CNTN1: variants seen among roughly 807,000 people sequenced by gnomAD.
CNTN1 encodes the protein contactin-1.
CNTN1 carries 38 observed loss-of-function variants against 126.4 expected under a neutral mutation model. The ratio of observed to expected loss-of-function variants is 0.30; its 90% CI spans 0.23 to 0.39. CNTN1 has a LOEUF of 0.39. Among genes scored for constraint, CNTN1 ranks in the 10% least tolerant of loss-of-function variants. The probability of loss-of-function intolerance (pLI) is 1.00; values close to 1 mark genes in which losing one functional copy is unlikely to be tolerated. For missense variants in CNTN1, 1,009 were observed against 1,248.4 expected (o/e 0.81, Z 2.89); for synonymous variants, 413 against 422.6 (o/e 0.98, Z 0.28).
intron 3 of CNTN1, among the ~76,000 whole-genome samples, chr12:40,911,810 G>A (rs903503513): frequency 6.6e-6 from 1 of 152,132 alleles, no homozygotes. Flanking sequence ...GTCCAGAGTT[G>A]GGTCACACAT....
chr12:40,704,087 C>T (rs1487095084), intron 1 of CNTN1, among the ~76,000 whole-genome samples: 1 of 151,416 alleles, frequency 6.6e-6, no homozygotes. Context: ...TATACAGTAG[C>T]AAGACAAATG....
At chr12:40,723,329 A>G (rs750253430) in intron 1 of CNTN1, among the ~76,000 whole-genome samples, 3 of 152,240 alleles carry the variant, frequency 2.0e-5, no homozygotes, top group Non-Finnish European at 2.9e-5. Flanking sequence ...ATCTCTAATA[A>G]CTAAAGTAGT....
chr12:40,932,711 C>T (rs1945933268), intron 7 of CNTN1, among the ~76,000 whole-genome samples: 1 of 151,860 alleles, frequency 6.6e-6, no homozygotes, highest in South Asian at 2.1e-4. Flanking sequence ...ATAGCCCTTA[C>T]CTACTTCTAA....
chr12:40,756,287 A>C (rs1938606439), intron 1 of CNTN1, among the ~76,000 whole-genome samples: 1 of 152,088 alleles, frequency 6.6e-6, no homozygotes, highest in Non-Finnish European at 1.5e-5. Flanking sequence ...ACTTAGAGCG[A>C]GTGATCTGGG....
intron 17 of CNTN1, among the ~76,000 whole-genome samples, chr12:41,002,947 C>A (rs1374305988): frequency 2.0e-5 from 3 of 152,124 alleles, no homozygotes; most frequent in Non-Finnish European, 4.4e-5. Flanking sequence ...ATTTCTCTTG[C>A]CTGATTGCCC....
intron 1 of CNTN1, among the ~76,000 whole-genome samples, chr12:40,850,048 G>A (rs1324410849): frequency 2.0e-5 from 3 of 151,964 alleles, no homozygotes; most frequent in Non-Finnish European, 4.4e-5. Context: ...TTTAGAAAAT[G>A]ATATTGATGT....
intron 1 of CNTN1, among the ~76,000 whole-genome samples, chr12:40,830,791 G>GTGTATA (rs1334401189): frequency 4.0e-5 from 3 of 75,820 alleles, no homozygotes; most frequent in Admixed American, 1.6e-4. Flanking sequence ...AAAGTATAGT[G>GTGTATA]TATATATATA....
chr12:40,953,502 G>T (rs1385502010), intron 14 of CNTN1, among the ~76,000 whole-genome samples: 1 of 152,056 alleles, frequency 6.6e-6, no homozygotes, highest in African/African-American at 2.4e-5. Flanking sequence ...TATTGGGAAT[G>T]ATACTTTATA....
chr12:40,736,987 G>A lies in CNTN1; in HGVS notation c.-77+44395G>A, dbSNP rs1053305290. On this transcript the variant is annotated intron_variant, in intron 1 of 23. Coordinates refer to ENST00000551295, the MANE Select transcript of CNTN1 (RefSeq NM_001843.4). ...TAAAAATAAATTTTAAATCCTACAC[G>A]AAATCAGTATTTTTCTAGGAAAATA... Among the ~76,000 whole-genome samples the A allele has an allele frequency of 1.6e-4, 25 of 151,802 alleles. 2 individuals carry two copies. Among genetic ancestry groups the A allele is most frequent in the Non-Finnish European group, 2.9e-5 (2 of 67,930 alleles).
chr12:40,982,779 C>T (rs1031166377), intron 16 of CNTN1, among the ~76,000 whole-genome samples: 1 of 152,020 alleles, frequency 6.6e-6, no homozygotes, highest in African/African-American at 2.4e-5. Context: ...TATAGTAAGT[C>T]ATGTGGTGAT....
At chr12:40,895,755 ATTTTTTTT>A (rs35784846) in intron 1 of CNTN1, among the ~76,000 whole-genome samples, 1 of 121,728 alleles carries the variant, frequency 8.2e-6, no homozygotes, top group Non-Finnish European at 1.7e-5. Flanking sequence ...GTGCTTCAAG[ATTTTTTTT>A]TTTTTTTTTT....
chr12:40,985,905 G>A (rs958475572), intron 16 of CNTN1, among the ~76,000 whole-genome samples: 6 of 151,982 alleles, frequency 3.9e-5, no homozygotes, highest in Non-Finnish European at 8.8e-5. Context: ...GTTTATCTGC[G>A]TGTCTGTGTT....
intron 1 of CNTN1, among the ~76,000 whole-genome samples, chr12:40,786,607 GA>G (rs1186246668): frequency 6.6e-6 from 1 of 152,052 alleles, no homozygotes; most frequent in African/African-American, 2.4e-5. Context: ...CCAATCTTCA[GA>G]ACTGGAAATC....
At chr12:40,703,360 C>T (rs1941649061) in intron 1 of CNTN1, among the ~76,000 whole-genome samples, 1 of 152,084 alleles carries the variant, frequency 6.6e-6, no homozygotes, top group East Asian at 1.9e-4. Flanking sequence ...TAAGTGGATC[C>T]TAAGTTAAAC....
chr12:40,944,483 GCCTT>G (rs1425799849), intron 14 of CNTN1, among the ~76,000 whole-genome samples: 1 of 151,854 alleles, frequency 6.6e-6, no homozygotes, highest in African/African-American at 2.4e-5. Flanking sequence ...TGGTTCTAGT[GCCTT>G]CCTTTTTACT....
chr12:40,731,476 T>A (rs1353250167), intron 1 of CNTN1, among the ~76,000 whole-genome samples: 1 of 151,972 alleles, frequency 6.6e-6, no homozygotes, highest in Non-Finnish European at 1.5e-5. Context: ...AACAACAGTC[T>A]GAGCAAAAAA....
intron 1 of CNTN1, among the ~76,000 whole-genome samples, chr12:40,803,578 A>G (rs1304670147): frequency 6.6e-6 from 1 of 151,938 alleles, no homozygotes; most frequent in East Asian, 1.9e-4. Flanking sequence ...AATAATTGAA[A>G]CCCATGCTTA....
chr12:40,953,019 T>C (rs2136986205), intron 14 of CNTN1, among the ~76,000 whole-genome samples: 1 of 152,308 alleles, frequency 6.6e-6, no homozygotes, highest in East Asian at 1.9e-4. Context: ...CTGTACCATA[T>C]AGAATCTTTC....
At chr12:40,934,219 G>A (rs557888665) in intron 9 of CNTN1, among the ~76,000 whole-genome samples, 2 of 151,942 alleles carry the variant, frequency 1.3e-5, no homozygotes, top group South Asian at 4.2e-4. Flanking sequence ...TATGTGTTAT[G>A]ACTTAGTTTA....
Sources: allele counts gnomAD v4.1 joint callset (sites outside exome capture counted in the v4.1 genomes callset), GRCh38; gene constraint gnomAD v4.1.1; transcripts MANE v1.5; gene names NCBI Gene and HGNC (gene_info 2026-07-23, HGNC 2026-07-21).